Variants in CHD9 observed in about 807,000 individuals in gnomAD.
CHD9 encodes the protein chromodomain helicase DNA binding protein 9.
CHD9 carries 77 observed loss-of-function variants against 316.1 expected under a neutral mutation model. The observed-to-expected ratio is 0.24, with a 90% CI of 0.20 to 0.29. The LOEUF (loss-of-function observed/expected upper bound fraction) is 0.29, where lower values mean the gene tolerates loss of function less well. Among genes scored for constraint, CHD9 ranks in the 10% least tolerant of loss-of-function variants. The pLI is 1.00. For synonymous variants in CHD9, 1,129 were observed against 1,158.3 expected, an observed-to-expected ratio of 0.97 and a Z score of 0.51; for missense variants, 2,763 against 3,438.1, an observed-to-expected ratio of 0.80 and a Z score of 4.91.
intron 1 of CHD9, among the ~76,000 whole-genome samples, chr16:53,091,274 G>C (rs1228224802): frequency 6.6e-6 from 1 of 152,252 alleles, no homozygotes. Flanking sequence ...GCTGGAGTCA[G>C]ACAGAACTGA....
At chr16:53,143,895 G>A (rs562137595) in intron 1 of CHD9, among the ~76,000 whole-genome samples, 1 of 152,196 alleles carries the variant, frequency 6.6e-6, no homozygotes, top group Non-Finnish European at 1.5e-5. Context: ...TACGCCCACA[G>A]TTAATGTAAT....
intron 37 of CHD9, among the ~76,000 whole-genome samples, chr16:53,318,875 C>T (rs926279754): frequency 6.6e-6 from 1 of 152,184 alleles, no homozygotes; most frequent in Non-Finnish European, 1.5e-5. Flanking sequence ...ATATATTTAT[C>T]ACTGCAATTT....
intron 2 of CHD9, among the ~76,000 whole-genome samples, chr16:53,172,716 G>A (rs1261538275): frequency 6.6e-6 from 1 of 152,132 alleles, no homozygotes; most frequent in Non-Finnish European, 1.5e-5. Context: ...TAGCCATACT[G>A]ATAGGTGAAG....
chr16:53,291,676 A>G, intron 27 of CHD9, 49 bp from the exon 28 acceptor site: 1 of 1,246,398 alleles, frequency 8.0e-7, no homozygotes, highest in Non-Finnish European at 1.1e-6. Flanking sequence ...TTTTTTATAT[A>G]TCTCTTGACC....
chr16:53,308,732 A>G lies in CHD9; in HGVS notation c.7100A>G (p.Lys2367Arg). ...LTFQKQGLAQ[K>R]RPFDGEDGAL... ...TTTCAGAAGCAAGGGCTTGCTCAGA[A>G]AAGACCATTTGATGGTGAAGACGGT... is the stretch of plus-strand genomic sequence containing the variant. Residue 2367 changes from lysine to arginine, a missense_variant, in exon 34 of 39, where the codon AAA becomes AGA. Coordinates refer to ENST00000447540, the MANE Select transcript of CHD9 (RefSeq NM_001308319.2). 1 of 1,613,474 alleles carries G rather than the reference A, an allele frequency of 6.2e-7. No homozygotes were observed. The highest frequency in any genetic ancestry group is 8.5e-7 in the Non-Finnish European group (1 of 1,179,652).
intron 5 of CHD9, among the ~76,000 whole-genome samples, chr16:53,226,985 G>A (rs929638831): frequency 1.3e-5 from 2 of 151,906 alleles, no homozygotes; most frequent in East Asian, 1.9e-4. Context: ...TGCTTCCCTC[G>A]TCTATGATTT....
chr16:53,244,288 G>C (rs980152570), intron 13 of CHD9, among the ~76,000 whole-genome samples: 2 of 151,120 alleles, frequency 1.3e-5, no homozygotes, highest in East Asian at 3.9e-4. Flanking sequence ...TGCCTCCCGG[G>C]TTCACGCCAT....
At chr16:53,210,021 A>G (rs2046203499) in intron 3 of CHD9, among the ~76,000 whole-genome samples, 2 of 152,176 alleles carry the variant, frequency 1.3e-5, no homozygotes, top group Admixed American at 6.5e-5. Context: ...TGTAGAATGT[A>G]GCTTTTTGTA....
intron 1 of CHD9, among the ~76,000 whole-genome samples, chr16:53,094,820 G>A (rs1265590371): frequency 6.6e-6 from 1 of 151,930 alleles, no homozygotes; most frequent in African/African-American, 2.4e-5. Context: ...TGTATTTTTA[G>A]TAGATACAGG....
chr16:53,060,665 C>T (rs1002388742), intron 1 of CHD9, among the ~76,000 whole-genome samples: 3 of 151,830 alleles, frequency 2.0e-5, no homozygotes, highest in East Asian at 3.9e-4. Context: ...CTGAGGTAAG[C>T]GAATCAATTG....
chr16:53,063,830 CTT>C (rs60131017), intron 1 of CHD9, among the ~76,000 whole-genome samples: 12 of 135,422 alleles, frequency 8.9e-5, no homozygotes, highest in Admixed American at 7.4e-5. Context: ...CATGCCTGGC[CTT>C]TTTTTTTTTT....
At chr16:53,214,248 A>G (rs978995714) in intron 3 of CHD9, among the ~76,000 whole-genome samples, 8 of 152,326 alleles carry the variant, frequency 5.3e-5, no homozygotes, top group Admixed American at 5.2e-4. Flanking sequence ...ATCTATAAAA[A>G]TCTAAAGGAA....
Position 53,314,560 on chromosome 16 carries a change from T to G in CHD9, c.7362+44T>G, listed in dbSNP as rs746969405. On this transcript the variant is annotated intron_variant, in intron 35 of 38. Coordinates refer to ENST00000447540, the MANE Select transcript of CHD9 (RefSeq NM_001308319.2). Reference sequence around the variant, plus strand: ...AAAAACTGATCCTTGAATTCAAAATTCAATCCTAATAAATATACATATTAT... The same window carrying G: ...AAAAACTGATCCTTGAATTCAAAATGCAATCCTAATAAATATACATATTAT... 4.5e-5 allele frequency: 65 copies of G among 1,439,292 alleles called. 1 individual carries two copies. The highest frequency in any genetic ancestry group is 5.8e-5 in the Non-Finnish European group (62 of 1,066,158). The allele number at this position is 1,439,292 out of a possible 1,614,324, so 89.2% of individuals were successfully genotyped here.
intron 1 of CHD9, among the ~76,000 whole-genome samples, chr16:53,072,317 A>C (rs1220885588): frequency 2.1e-5 from 2 of 96,928 alleles, no homozygotes; most frequent in South Asian, 3.3e-4. Context: ...GAAAGCCATA[A>C]GTCTTTTTTT....
intron 1 of CHD9, among the ~76,000 whole-genome samples, chr16:53,119,164 A>G (rs1360215517): frequency 6.6e-6 from 1 of 152,156 alleles, no homozygotes; most frequent in African/African-American, 2.4e-5. Flanking sequence ...GAGGCGATGA[A>G]TATGTTTATT....
At chr16:53,170,748 G>A (rs916416470) in intron 2 of CHD9, among the ~76,000 whole-genome samples, 11 of 152,048 alleles carry the variant, frequency 7.2e-5, no homozygotes, top group East Asian at 1.9e-4. Context: ...GATATTGAGC[G>A]AAGGGATTTG....
intron 11 of CHD9, 108 bp downstream of exon 11, chr16:53,235,414 C>G: frequency 1.3e-6 from 1 of 782,500 alleles, no homozygotes; most frequent in Non-Finnish European, 1.9e-6. Flanking sequence ...TTGAAGTCTT[C>G]ATTATTTAAA....
intron 2 of CHD9, among the ~76,000 whole-genome samples, chr16:53,178,452 A>C (rs1323849747): frequency 1.5e-5 from 1 of 67,172 alleles, no homozygotes; most frequent in Admixed American, 2.0e-4. Flanking sequence ...TTTTTTTTTG[A>C]GACAAGGTCT....
intron 1 of CHD9, among the ~76,000 whole-genome samples, chr16:53,070,545 CTCTCTCTCTT>C (rs2033950872): frequency 1.3e-5 from 2 of 148,190 alleles, no homozygotes; most frequent in Non-Finnish European, 3.0e-5. Flanking sequence ...CTCTCTCTCT[CTCTCTCTCTT>C]TCTTTCTGTC....
Sources: gnomAD v4.1 joint callset for allele counts (sites outside exome capture counted in the v4.1 genomes callset) on GRCh38, gnomAD v4.1.1 for gene constraint, MANE v1.5 for transcripts, NCBI Gene and HGNC (gene_info 2026-07-23, HGNC 2026-07-21) for gene names.